PSPH: variants seen among roughly 807,000 people sequenced by gnomAD.
PSPH encodes phosphoserine phosphatase, also known as L-3-phosphoserine phosphatase.
In PSPH, 16 loss-of-function variants were observed where a neutral mutation model predicts 23.4. The observed-to-expected ratio is 0.68, with a 90% CI of 0.46 to 1.04. The LOEUF is 1.04. Ranked by LOEUF, PSPH falls within the 50% of genes least tolerant of loss-of-function variation. The pLI, the probability that PSPH is intolerant of heterozygous loss-of-function variation, is 0.00. For missense variants in PSPH, 223 were observed against 273.7 expected, an observed-to-expected ratio of 0.81 and a Z score of 1.31; for synonymous variants, 68 against 99.7, an observed-to-expected ratio of 0.68 and a Z score of 1.89.
At chr7:56,013,019 C>CACATATACTATATATGTATATATATACAG (rs1394856399) in intron 7 of PSPH, among the ~76,000 whole-genome samples, 2 of 149,598 alleles carry the variant, frequency 1.3e-5, no homozygotes, top group African/African-American at 4.9e-5. Context: ...TATATATACA[C>CACATATACTATATATGTATATATATACAG]ACATATACTA....
At chr7:56,019,771 C>A (rs564881224) in intron 4 of PSPH, 37 bp from the exon 5 acceptor site, 2 of 1,609,856 alleles carry the variant, frequency 1.2e-6, no homozygotes, top group Non-Finnish European at 1.7e-6. Context: ...CAGCCAGGTC[C>A]GATGTCCTCA....
At chr7:56,032,408 C>T (rs1342388318) in intron 2 of PSPH, among the ~76,000 whole-genome samples, 1 of 152,122 alleles carries the variant, frequency 6.6e-6, no homozygotes, top group Non-Finnish European at 1.5e-5. Context: ...CACCTGTAAT[C>T]CCAGCACTTT....
At chr7:56,022,769 C>A (rs1789644336) in intron 3 of PSPH, among the ~76,000 whole-genome samples, 1 of 152,004 alleles carries the variant, frequency 6.6e-6, no homozygotes, top group African/African-American at 2.4e-5. Flanking sequence ...GATTAAAGTC[C>A]AGGAAGAGGC....
At chr7:56,018,307 G>T (rs1584394670) in intron 5 of PSPH, among the ~76,000 whole-genome samples, 1 of 151,938 alleles carries the variant, frequency 6.6e-6, no homozygotes, top group African/African-American at 2.4e-5. Context: ...CTGCACCACT[G>T]CACACCAGCT....
intron 3 of PSPH, among the ~76,000 whole-genome samples, chr7:56,021,714 T>C (rs1789485894): frequency 6.6e-6 from 1 of 151,322 alleles, no homozygotes; most frequent in Admixed American, 6.6e-5. Context: ...TTTGGGAGGC[T>C]GAGGCGGGCG....
intron 1 of PSPH, among the ~76,000 whole-genome samples, chr7:56,042,553 A>G (rs1380874708): frequency 6.6e-6 from 1 of 151,696 alleles, no homozygotes; most frequent in East Asian, 1.9e-4. Context: ...CAGGAGGCTG[A>G]GGCAGGAGGA....
intron 1 of PSPH, among the ~76,000 whole-genome samples, chr7:56,042,197 C>T (rs1324676669): frequency 2.9e-5 from 4 of 137,312 alleles, no homozygotes; most frequent in Admixed American, 8.2e-5. Flanking sequence ...CCAGCCTGGG[C>T]GACAGAGCGA....
intron 5 of PSPH, among the ~76,000 whole-genome samples, chr7:56,018,726 C>G (rs1422951883): frequency 6.6e-6 from 1 of 151,568 alleles, no homozygotes; most frequent in African/African-American, 2.4e-5. Flanking sequence ...CTTTGGGAGG[C>G]TGAGGTGGGA....
chr7:56,018,448 G>A (rs913417522), intron 5 of PSPH, among the ~76,000 whole-genome samples: 7 of 152,118 alleles, frequency 4.6e-5, no homozygotes, highest in African/African-American at 1.7e-4. Flanking sequence ...CACAAGATGA[G>A]GACAAACAAG....
intron 3 of PSPH, among the ~76,000 whole-genome samples, chr7:56,022,612 G>A (rs1789623689): frequency 6.6e-6 from 1 of 152,216 alleles, no homozygotes; most frequent in Admixed American, 6.6e-5. Context: ...ACACTAAGCA[G>A]GTCCTAGGGC....
intron 1 of PSPH, among the ~76,000 whole-genome samples, chr7:56,042,595 G>A (rs1238458833): frequency 1.3e-5 from 2 of 150,784 alleles, no homozygotes; most frequent in African/African-American, 2.4e-5. Flanking sequence ...AGGCTGCAGT[G>A]AGACATGTTC....
At chr7:56,046,166 T>G (rs533049269) in intron 1 of PSPH, among the ~76,000 whole-genome samples, 2 of 152,154 alleles carry the variant, frequency 1.3e-5, no homozygotes, top group South Asian at 4.2e-4. Flanking sequence ...GAGATAAAGT[T>G]TCACTCGTCG....
rs1210504916 is a variant in PSPH at position 56,011,677 on chromosome 7, A to G, written c.*85T>C. ...TACCAACTTTCTATAGCAAGTTGTAATAGGCAACTGTAAGCAAACAGTATC... is the reference window on the plus strand; with the variant it reads ...TACCAACTTTCTATAGCAAGTTGTAGTAGGCAACTGTAAGCAAACAGTATC... On this transcript the variant is annotated 3_prime_UTR_variant, in exon 8 of 8. Transcript: ENST00000275605. 4.7e-6 allele frequency: 5 copies of G among 1,063,514 alleles called. No individual in the cohort carries two copies. The East Asian group carries it at 9.6e-5, about 21-fold the overall frequency. 65.9% of individuals were successfully genotyped at this position (1,063,514 alleles called of 1,614,324 possible).
intron 3 of PSPH, among the ~76,000 whole-genome samples, chr7:56,021,671 G>A (rs1300106853): frequency 3.3e-5 from 5 of 150,882 alleles, no homozygotes; most frequent in African/African-American, 4.9e-5. Context: ...GTGTGAGGCC[G>A]GGCGCGGTGG....
At chr7:56,043,059 G>A (rs1246310790) in intron 1 of PSPH, 1 of 152,062 alleles carries the variant, frequency 6.6e-6, no homozygotes, top group Non-Finnish European at 1.5e-5. Flanking sequence ...CCTGAGGTCG[G>A]GAGTTCAAGA....
intron 7 of PSPH, among the ~76,000 whole-genome samples, chr7:56,012,470 C>A (rs766943224): frequency 6.6e-6 from 1 of 151,248 alleles, no homozygotes; most frequent in Non-Finnish European, 1.5e-5. Flanking sequence ...CGTGAGCCAC[C>A]GCTCCTGGCT....
chr7:56,047,027 GCA>G (rs1201003624), intron 1 of PSPH, among the ~76,000 whole-genome samples: 1 of 152,124 alleles, frequency 6.6e-6, no homozygotes, highest in Non-Finnish European at 1.5e-5. Context: ...AGACATGTAA[GCA>G]CACAACAGAT....
intron 6 of PSPH, among the ~76,000 whole-genome samples, chr7:56,016,071 T>G (rs984855448): frequency 1.3e-5 from 2 of 152,084 alleles, no homozygotes; most frequent in Non-Finnish European, 2.9e-5. Context: ...CATTCTTGAC[T>G]TCTTTTTTCA....
chr7:56,022,867 T>C (rs1042737407), intron 3 of PSPH, among the ~76,000 whole-genome samples: 1 of 152,196 alleles, frequency 6.6e-6, no homozygotes, highest in Non-Finnish European at 1.5e-5. Context: ...AAGACCATCC[T>C]GGCCAACATG....
Sources: gnomAD v4.1 joint callset for allele counts (sites outside exome capture counted in the v4.1 genomes callset) on GRCh38, gnomAD v4.1.1 for gene constraint, MANE v1.5 for transcripts, NCBI Gene and HGNC (gene_info 2026-07-23, HGNC 2026-07-21) for gene names.